The following DMD variants were observed in gnomAD, a reference collection of about 807,000 sequenced individuals.
The protein encoded by DMD is dystrophin, also known as mutant dystrophin.
In DMD, 63 loss-of-function variants were observed where a neutral mutation model predicts 330.1. That is an observed-to-expected ratio of 0.19 (90% confidence interval 0.16 to 0.24). DMD has a LOEUF of 0.24. DMD is among the 10% of genes least tolerant of loss of function. The pLI is 1.00. For missense variants in DMD, 3,344 were observed against 2,684.1 expected (o/e 1.25, Z -5.43); for synonymous variants, 1,223 against 959.8 (o/e 1.27, Z -5.07).
intron 52 of DMD, among the ~76,000 whole-genome samples, chrX:31,725,121 A>G (rs899909574): frequency 1.8e-5 from 2 of 111,669 alleles, no homozygotes; most frequent in African/African-American, 6.5e-5. Context: ...CTTTAAAATC[A>G]TATAGACGTG....
At chrX:32,374,836 T>C (rs964596592) in intron 34 of DMD, among the ~76,000 whole-genome samples, 2 of 112,109 alleles carry the variant, frequency 1.8e-5, no homozygotes, top group Non-Finnish European at 3.8e-5. Context: ...AATACACCCA[T>C]GTAACAAACT....
At chrX:33,156,788 A>G (rs1459068045) in intron 1 of DMD, among the ~76,000 whole-genome samples, 1 of 111,947 alleles carries the variant, frequency 8.9e-6, no homozygotes, top group African/African-American at 3.2e-5. Flanking sequence ...ATACAATAAC[A>G]AATCTATTGA....
intron 67 of DMD, among the ~76,000 whole-genome samples, chrX:31,197,462 T>C (rs1441299498): frequency 8.9e-6 from 1 of 112,376 alleles, no homozygotes; most frequent in Non-Finnish European, 1.9e-5. Flanking sequence ...ATACTTGTTC[T>C]CAACAGTTGA....
At chrX:32,397,250 T>G (rs1029491654) in intron 30 of DMD, among the ~76,000 whole-genome samples, 1 of 111,484 alleles carries the variant, frequency 9.0e-6, no homozygotes, top group Non-Finnish European at 1.9e-5. Flanking sequence ...TAGGGGGATA[T>G]GGATAGTAAG....
At chrX:32,884,438 G>A (rs768128414) in intron 2 of DMD, among the ~76,000 whole-genome samples, 67 of 111,913 alleles carry the variant, frequency 6.0e-4, no homozygotes, top group African/African-American at 2.1e-3. Flanking sequence ...TATGGGCCAG[G>A]CACTTTATAT....
intron 59 of DMD, among the ~76,000 whole-genome samples, chrX:31,450,183 C>T (rs1364079677): frequency 9.0e-6 from 1 of 111,464 alleles, no homozygotes; most frequent in East Asian, 2.8e-4. Context: ...CATGAGAAGG[C>T]AAGGATGAGC....
At chrX:32,671,346 A>G (rs975733827) in intron 9 of DMD, among the ~76,000 whole-genome samples, 8 of 111,077 alleles carry the variant, frequency 7.2e-5, no homozygotes, top group African/African-American at 2.3e-4. Flanking sequence ...TCGATTTTTA[A>G]ATTTATGTAC....
chrX:32,688,162 T>C (rs994357713), intron 9 of DMD, among the ~76,000 whole-genome samples: 4 of 110,873 alleles, frequency 3.6e-5, no homozygotes, highest in African/African-American at 1.3e-4. Flanking sequence ...AATAATTCAT[T>C]CAAATTCTAG....
At chrX:31,635,228 A>G (rs374443531) in intron 54 of DMD, among the ~76,000 whole-genome samples, 26 of 112,047 alleles carry the variant, frequency 2.3e-4, no homozygotes, top group African/African-American at 8.4e-4. Context: ...TAAATTCTCA[A>G]TGATTTGTAT....
At chrX:31,628,463 T>A (rs1007811781) in intron 54 of DMD, among the ~76,000 whole-genome samples, 1 of 111,543 alleles carries the variant, frequency 9.0e-6, no homozygotes, top group East Asian at 2.8e-4. Context: ...AGTAAAGAAA[T>A]AACATTTCAT....
intron 1 of DMD, among the ~76,000 whole-genome samples, chrX:33,246,506 C>T (rs1339126657): frequency 9.0e-6 from 1 of 111,389 alleles, no homozygotes. Context: ...TTACTGTTTA[C>T]CCTAGAGATA....
chrX:31,554,576 C>T (rs886135699), intron 55 of DMD, among the ~76,000 whole-genome samples: 4 of 111,661 alleles, frequency 3.6e-5, no homozygotes, highest in African/African-American at 1.3e-4. Flanking sequence ...GTTCCTTTCC[C>T]CACACAAGGT....
chrX:31,177,613 C>T (rs946664104), intron 71 of DMD, among the ~76,000 whole-genome samples: 1 of 110,754 alleles, frequency 9.0e-6, no homozygotes, highest in Non-Finnish European at 1.9e-5. Context: ...AATATATAAA[C>T]ATGTCTCCCA....
intron 2 of DMD, among the ~76,000 whole-genome samples, chrX:32,858,670 C>T (rs1380343119): frequency 1.8e-5 from 2 of 110,979 alleles, no homozygotes; most frequent in East Asian, 5.6e-4. Flanking sequence ...AAAAATCTCC[C>T]CCACCCCCGT....
intron 9 of DMD, among the ~76,000 whole-genome samples, chrX:32,677,226 G>A (rs1327616985): frequency 3.6e-5 from 4 of 110,903 alleles, no homozygotes; most frequent in Non-Finnish European, 7.6e-5. Flanking sequence ...CAGTCACAAT[G>A]TTGTCTTAGC....
intron 7 of DMD, among the ~76,000 whole-genome samples, chrX:32,769,202 C>T (rs1042700059): frequency 3.6e-5 from 4 of 112,395 alleles, no homozygotes; most frequent in African/African-American, 9.7e-5. Flanking sequence ...AAAAGAAAGA[C>T]GTTTAATTCA....
At chrX:33,069,331 C>T (rs1039363947) in intron 1 of DMD, among the ~76,000 whole-genome samples, 1 of 111,084 alleles carries the variant, frequency 9.0e-6, no homozygotes. Flanking sequence ...GCAAGTTAGG[C>T]CTAAGAAGGA....
intron 1 of DMD, among the ~76,000 whole-genome samples, chrX:33,198,856 G>C (rs762019557): frequency 4.4e-4 from 48 of 110,260 alleles, no homozygotes; most frequent in Non-Finnish European, 7.6e-4. Context: ...TCTATCCAGA[G>C]GTAAGCTTGT....
At chrX:31,813,888 T>C (rs1321878616) in intron 50 of DMD, among the ~76,000 whole-genome samples, 1 of 111,730 alleles carries the variant, frequency 9.0e-6, no homozygotes, top group Non-Finnish European at 1.9e-5. Flanking sequence ...CTATCTTACC[T>C]GCCTCGTTTC....
Sources: allele counts gnomAD v4.1 joint callset (sites outside exome capture counted in the v4.1 genomes callset), GRCh38; gene constraint gnomAD v4.1.1; transcripts MANE v1.5; gene names NCBI Gene and HGNC (gene_info 2026-07-23, HGNC 2026-07-21).